The following RFTN2 variants were observed in gnomAD, a reference collection of about 807,000 sequenced individuals.
The protein encoded by RFTN2 is raftlin-2.
RFTN2 carries 34 observed loss-of-function variants against 52.7 expected under a neutral mutation model. That is an observed-to-expected ratio of 0.64 (90% CI 0.49 to 0.86). The LOEUF is 0.86. RFTN2 is among the 40% of genes least tolerant of loss of function. The pLI, the probability that RFTN2 is intolerant of heterozygous loss-of-function variation, is 0.00. For missense variants in RFTN2, 536 were observed against 600.1 expected (o/e 0.89, Z 1.12); for synonymous variants, 203 against 217.7 (o/e 0.93, Z 0.59).
intron 5 of RFTN2, among the ~76,000 whole-genome samples, chr2:197,627,891 G>C (rs868254077): frequency 4.5e-5 from 1 of 22,096 alleles, no homozygotes; most frequent in East Asian, 8.7e-4. Context: ...CCGCCCCCCC[G>C]TGTTTCTGGA....
Position 197,570,990 on chromosome 2 carries a change from A to G in RFTN2, c.*1018T>C, listed in dbSNP as rs1446063215. ...TTTGTAGAATTTTAAAGATTGTTAA[A>G]GGCTGGGTCAAGGCAAAGCCACCTC... On this transcript the variant is annotated 3_prime_UTR_variant, in exon 9 of 9. Coordinates refer to ENST00000295049, the MANE Select transcript of RFTN2 (RefSeq NM_144629.3). The G allele has an allele frequency of 3.3e-5, 5 of 152,342 alleles. No homozygotes were observed. Among genetic ancestry groups the G allele is most frequent in the Non-Finnish European group, 5.9e-5 (4 of 68,032 alleles). 9.4% of individuals were successfully genotyped at this position (152,342 alleles called of 1,614,324 possible).
At chr2:197,650,100 A>T (rs1159746586) in intron 1 of RFTN2, among the ~76,000 whole-genome samples, 1 of 151,530 alleles carries the variant, frequency 6.6e-6, no homozygotes, top group Non-Finnish European at 1.5e-5. Context: ...CAATAAAAAG[A>T]TATATAATAT....
chr2:197,588,733 T>C (rs1267296851), intron 8 of RFTN2, among the ~76,000 whole-genome samples: 1 of 152,232 alleles, frequency 6.6e-6, no homozygotes, highest in African/African-American at 2.4e-5. Context: ...TCTGTTTAAC[T>C]TCCTGAGAAG....
rs1411775162 is a variant in RFTN2, at chr2:197,571,620, A to C, written c.*388T>G. On this transcript the variant is annotated 3_prime_UTR_variant, in exon 9 of 9. Transcript: ENST00000295049. ...AGAGAGAGAGGTTATTTTTCAGCTT[A>C]AATAAGACTGTAACTTCCTGAGAAC... 5.5e-6 allele frequency: 1 copy of C among 182,082 alleles called. No individual in the cohort carries two copies. Among genetic ancestry groups the C allele is most frequent in the Non-Finnish European group, 1.2e-5 (1 of 86,700 alleles). 11.3% of individuals were successfully genotyped at this position (182,082 alleles called of 1,614,324 possible). A position where few individuals can be genotyped will look rare whatever the true frequency, so the allele number is the denominator to read the frequency against.
intron 1 of RFTN2, among the ~76,000 whole-genome samples, chr2:197,671,296 T>C (rs1304107561): frequency 6.6e-6 from 1 of 152,228 alleles, no homozygotes; most frequent in African/African-American, 2.4e-5. Context: ...TCTTAATCTT[T>C]TTCTGTTTAA....
chr2:197,587,048 C>A (rs1428449089), intron 8 of RFTN2, among the ~76,000 whole-genome samples: 1 of 152,130 alleles, frequency 6.6e-6, no homozygotes, highest in Non-Finnish European at 1.5e-5. Context: ...ACCTGTTCTT[C>A]TCCTCTTATT....
At chr2:197,617,251 G>GT (rs369883337) in intron 6 of RFTN2, among the ~76,000 whole-genome samples, 67 of 152,272 alleles carry the variant, frequency 4.4e-4, no homozygotes, top group South Asian at 1.0e-3. Flanking sequence ...GCCAGGCGAT[G>GT]TTTTTTGGCT....
rs774420200 is a variant in RFTN2, at chr2:197,653,549, T to TA, written c.140-6884dup. On this transcript the variant is annotated intron_variant, in intron 1 of 8. Coordinates refer to ENST00000295049, the MANE Select transcript of RFTN2 (RefSeq NM_144629.3). ...ATTAAAAAATATCTATCTGGTTAGT[T>TA]AAAAAAAAAAAAAGGCTAAAACAAT... is the stretch of plus-strand genomic sequence containing the variant. 3.0e-3 allele frequency among the ~76,000 whole-genome samples: 424 copies of TA among 141,142 alleles called. 2 individuals are homozygous for TA. Among genetic ancestry groups the TA allele is most frequent in the Middle Eastern group, 0.011 (3 of 272 alleles). The allele number at this position is 141,142 out of a possible 152,430, so 92.6% of individuals were successfully genotyped here. A position where few individuals can be genotyped will look rare whatever the true frequency, so the allele number is the denominator to read the frequency against.
At chr2:197,660,309 T>C (rs1378700476) in intron 1 of RFTN2, among the ~76,000 whole-genome samples, 1 of 152,218 alleles carries the variant, frequency 6.6e-6, no homozygotes, top group Non-Finnish European at 1.5e-5. Flanking sequence ...ATGTTACTTA[T>C]CAAAATGTTT....
chr2:197,619,366 A>G (rs1339834160), intron 5 of RFTN2, among the ~76,000 whole-genome samples: 3 of 152,128 alleles, frequency 2.0e-5, no homozygotes, highest in Non-Finnish European at 4.4e-5. Flanking sequence ...AAAGAGGTAG[A>G]CATGGGAGAC....
At chr2:197,588,149 C>T (rs909269522) in intron 8 of RFTN2, 3 of 390,748 alleles carry the variant, frequency 7.7e-6, no homozygotes, top group African/African-American at 2.1e-5. Flanking sequence ...AAAGCAAAAC[C>T]CACCTATAAT....
At position 197,570,254 on chromosome 2, in the gene RFTN2, AC is replaced by A. The variant is rs2087295078; in HGVS notation, c.*1753del. ...AAAACCATTTCTGCAAATATTGTTG[AC>A]AGCTATTGCTATAGAATAAGACTGA... On this transcript the variant is annotated 3_prime_UTR_variant, in exon 9 of 9. Transcript: ENST00000295049. 1 of 152,244 alleles carries A rather than the reference AC, an allele frequency of 6.6e-6. No individual in the cohort carries two copies. Among genetic ancestry groups the A allele is most frequent in the African/African-American group, 2.4e-5 (1 of 41,460 alleles). The allele number at this position is 152,244 out of a possible 1,614,324, so 9.4% of individuals were successfully genotyped here. A position where few individuals can be genotyped will look rare whatever the true frequency, so the allele number is the denominator to read the frequency against.
intron 5 of RFTN2, among the ~76,000 whole-genome samples, chr2:197,627,144 T>C (rs1359573171): frequency 6.6e-6 from 1 of 152,172 alleles, no homozygotes; most frequent in African/African-American, 2.4e-5. Flanking sequence ...CTTTTCCCAG[T>C]TCCTCTTTCC....
rs1396024798 is a variant in RFTN2 at position 197,618,684 on chromosome 2, C to T, written c.929-763G>A. 9.2e-5 allele frequency among the ~76,000 whole-genome samples: 14 copies of T among 151,514 alleles called. No individual in the cohort carries two copies. The South Asian group carries it at 2.5e-3, about 27-fold the overall frequency. On this transcript the variant is annotated intron_variant, in intron 5 of 8. Transcript: ENST00000295049. ...GCCATCACATCTGGGAAGTGAGGAG[C>T]GTCTCTGCCCGGCCGCCCATCGTCT...
chr2:197,581,610 A>G (rs1417202430), intron 8 of RFTN2, among the ~76,000 whole-genome samples: 2 of 152,062 alleles, frequency 1.3e-5, no homozygotes, highest in African/African-American at 2.4e-5. Context: ...TCTCAACAAG[A>G]CACCCTCCTG....
intron 5 of RFTN2, among the ~76,000 whole-genome samples, chr2:197,622,302 T>A (rs2088278876): frequency 6.6e-6 from 1 of 152,166 alleles, no homozygotes; most frequent in Admixed American, 6.5e-5. Flanking sequence ...GATTTTTATT[T>A]ATTATTTATT....
chr2:197,636,034 G>A (rs2088560172), intron 3 of RFTN2, among the ~76,000 whole-genome samples: 1 of 146,196 alleles, frequency 6.8e-6, no homozygotes, highest in Non-Finnish European at 1.5e-5. Context: ...GTTTGTCAAA[G>A]ATCAGATAGT....
intron 8 of RFTN2, among the ~76,000 whole-genome samples, chr2:197,585,916 A>G (rs1034133046): frequency 6.6e-6 from 1 of 152,120 alleles, no homozygotes; most frequent in Non-Finnish European, 1.5e-5. Flanking sequence ...CGGACCCCTC[A>G]CAACACAAAC....
At chr2:197,587,224 G>A (rs2087615013) in intron 8 of RFTN2, among the ~76,000 whole-genome samples, 1 of 151,922 alleles carries the variant, frequency 6.6e-6, no homozygotes, top group South Asian at 2.1e-4. Context: ...TTCCCACGCT[G>A]CCCCTAATCC....
Sources: gnomAD v4.1 joint callset for allele counts (sites outside exome capture counted in the v4.1 genomes callset) on GRCh38, gnomAD v4.1.1 for gene constraint, MANE v1.5 for transcripts, NCBI Gene and HGNC (gene_info 2026-07-23, HGNC 2026-07-21) for gene names.